The following NANOGNB variants were observed in gnomAD, a reference collection of about 807,000 sequenced individuals.
NANOGNB encodes the protein homeobox C14.
A neutral mutation model predicts 25.0 loss-of-function variants in NANOGNB; 30 were observed. The observed-to-expected ratio is 1.20, with a 90% confidence interval of 0.90 to 1.63. NANOGNB has a LOEUF of 1.63. Among genes scored for constraint, NANOGNB ranks in the 40% most tolerant of loss-of-function variants. The pLI is 0.00. For missense variants in NANOGNB, 200 were observed against 188.1 expected (o/e 1.06, Z -0.37); for synonymous variants, 84 against 62.1 (o/e 1.35, Z -1.66).
intron 1 of NANOGNB, among the ~76,000 whole-genome samples, chr12:7,766,990 G>A (rs942167477): frequency 6.6e-6 from 1 of 151,608 alleles, no homozygotes; most frequent in African/African-American, 2.4e-5. Context: ...ACAGGCGTGC[G>A]CCACCAAGCC....
intron 3 of NANOGNB, among the ~76,000 whole-genome samples, chr12:7,771,754 G>A (rs1862569615): frequency 2.0e-5 from 3 of 152,128 alleles, no homozygotes; most frequent in South Asian, 2.1e-4. Context: ...CCGAGTAGCC[G>A]GGGTTACAGG....
intron 3 of NANOGNB, among the ~76,000 whole-genome samples, 171 bp downstream of exon 3, chr12:7,770,689 C>T (rs562302947): frequency 1.7e-3 from 255 of 152,062 alleles, no homozygotes; most frequent in Middle Eastern, 3.4e-3. Flanking sequence ...CTCGGCTCAC[C>T]GCACCCTCCG....
intron 3 of NANOGNB, among the ~76,000 whole-genome samples, chr12:7,771,498 C>CGCGA (rs1327024141): frequency 2.6e-5 from 4 of 151,892 alleles, no homozygotes; most frequent in South Asian, 2.1e-4. Flanking sequence ...GGATTACAGG[C>CGCGA]GTGAGCCACC....
chr12:7,765,569 C>CAAAAAAAAAAA (rs1187331161), intron 1 of NANOGNB, among the ~76,000 whole-genome samples, 182 bp downstream of exon 1: 15 of 48,650 alleles, frequency 3.1e-4, no homozygotes, highest in East Asian at 2.5e-3. Context: ...GACTCCGTCT[C>CAAAAAAAAAAA]AAAAAAAAAA....
chr12:7,770,066 A>G lies in NANOGNB; in HGVS notation c.186A>G (p.Lys62=), dbSNP rs887365634. 11 of 1,544,554 alleles carry G rather than the reference A, an allele frequency of 7.1e-6. No individual in the cohort carries two copies. The Admixed American group carries it at 2.2e-4, about 31-fold the overall frequency. ...AAGATGAACAAAATGGAAAGCAGAA[A>G]TGGAGAGAAGAAGGAGAAGCAGGCA... is the stretch of plus-strand genomic sequence containing the variant. ...YSEDEQNGKQ[K]WREEGEAGRK... Residue 62 remains lysine (K), a synonymous_variant, in exon 2 of 4, where the codon AAA becomes AAG. Coordinates refer to ENST00000382119, the MANE Select transcript of NANOGNB (RefSeq NM_001145465.1).
rs150583466 is a variant in NANOGNB, at chr12:7,768,523, CT to C, written c.103-1448del. 2.7e-3 allele frequency among the ~76,000 whole-genome samples: 391 copies of C among 143,806 alleles called. 3 individuals are homozygous for C. The highest frequency in any genetic ancestry group is 0.021 in the South Asian group (98 of 4,592). 94.3% of individuals were successfully genotyped at this position (143,806 alleles called of 152,430 possible). A position where few individuals can be genotyped will look rare whatever the true frequency, so the allele number is the denominator to read the frequency against. Reference sequence around the variant, plus strand: ...ACTGGCATATTTCTTTTCTTTCTTTCTTTTTTTTTTTTGAGAGGGATTCTCG... The same window carrying C: ...ACTGGCATATTTCTTTTCTTTCTTTCTTTTTTTTTTTGAGAGGGATTCTCG... On this transcript the variant is annotated intron_variant, in intron 1 of 3. Transcript: ENST00000382119.
intron 1 of NANOGNB, among the ~76,000 whole-genome samples, chr12:7,769,376 G>A (rs1378840285): frequency 6.6e-6 from 1 of 150,382 alleles, no homozygotes; most frequent in Non-Finnish European, 1.5e-5. Flanking sequence ...AGGCTGGAGT[G>A]CAGTGGTGCA....
intron 2 of NANOGNB, 34 bp downstream of exon 2, chr12:7,770,349 T>C: frequency 6.6e-7 from 1 of 1,518,704 alleles, no homozygotes; most frequent in Non-Finnish European, 8.8e-7. Context: ...TCTTCATTGA[T>C]AGACAAAGTC....
At chr12:7,772,232 C>G (rs1862574956) in intron 3 of NANOGNB, among the ~76,000 whole-genome samples, 1 of 152,150 alleles carries the variant, frequency 6.6e-6, no homozygotes, top group Admixed American at 6.5e-5. Flanking sequence ...TTGGGCTTGC[C>G]ACAGGGAAAG....
chr12:7,768,823 C>T (rs1865267073), intron 1 of NANOGNB, among the ~76,000 whole-genome samples: 1 of 152,060 alleles, frequency 6.6e-6, no homozygotes, highest in Non-Finnish European at 1.5e-5. Flanking sequence ...TGAGCCACCG[C>T]GCCCGGCCGG....
Position 7,770,848 on chromosome 12 carries a change from G to A in NANOGNB, c.515+330G>A, listed in dbSNP as rs1202407573. Among the ~76,000 whole-genome samples, 3 of 152,146 alleles carry A rather than the reference G, an allele frequency of 2.0e-5. No homozygotes were observed. In the East Asian group the frequency reaches 5.8e-4, roughly 29 times the overall value. On this transcript the variant is annotated intron_variant, in intron 3 of 3. Transcript: ENST00000382119. ...GCTGATCTCGAACTCCCAACCTCAGGTGATCCACCAGCCTGGGCCTTCCAA... is the reference window on the plus strand; with the variant it reads ...GCTGATCTCGAACTCCCAACCTCAGATGATCCACCAGCCTGGGCCTTCCAA...
rs1183670554 is a variant in NANOGNB, at chr12:7,769,985, A to G, written c.105A>G (p.Lys35=). The change falls in exon 2 of 4, where the codon AAA becomes AAG. Residue 35 remains lysine (K), a splice_region_variant and synonymous_variant. Coordinates refer to ENST00000382119, the MANE Select transcript of NANOGNB (RefSeq NM_001145465.1). ...ATTCCACGGATCTTTTTATACAGAA[A>G]CAATCAGCTATGCCTTGGGATCAAG... is the stretch of plus-strand genomic sequence containing the variant. ...QEIETILANK[K]QSAMPWDQDP... is the part of the protein sequence containing the mutation. 2 of 1,499,840 alleles carry G rather than the reference A, an allele frequency of 1.3e-6. No individual in the cohort carries two copies. The highest frequency in any genetic ancestry group is 8.9e-7 in the Non-Finnish European group (1 of 1,129,404). The allele number at this position is 1,499,840 out of a possible 1,614,324, so 92.9% of individuals were successfully genotyped here. A position where few individuals can be genotyped will look rare whatever the true frequency, so the allele number is the denominator to read the frequency against.
At chr12:7,771,681 C>T (rs1310780644) in intron 3 of NANOGNB, among the ~76,000 whole-genome samples, 2 of 151,940 alleles carry the variant, frequency 1.3e-5, no homozygotes, top group Admixed American at 6.6e-5. Flanking sequence ...AGTGCAATGG[C>T]GTGATCTCTG....
In NANOGNB at chr12:7,768,828, G is replaced by A. The variant is rs12309331; in HGVS notation, c.103-1155G>A. On this transcript the variant is annotated intron_variant, in intron 1 of 3. Coordinates refer to ENST00000382119, the MANE Select transcript of NANOGNB (RefSeq NM_001145465.1). ...ATTACAGGCGTGAGCCACCGCGCCC[G>A]GCCGGCATATTTCTTTTCTTTTGAG... 8.0e-3 allele frequency among the ~76,000 whole-genome samples: 1,220 copies of A among 152,016 alleles called. 16 individuals carry two copies. The highest frequency in any genetic ancestry group is 0.028 in the African/African-American group (1,158 of 41,492).
intron 3 of NANOGNB, 96 bp from the exon 4 acceptor site, chr12:7,773,704 G>A: frequency 2.0e-6 from 1 of 498,866 alleles, no homozygotes; most frequent in Non-Finnish European, 3.4e-6. Flanking sequence ...CAGCTTGGGT[G>A]ACAAGAGTGA....
Position 7,773,919 on chromosome 12 carries a change from T to G in NANOGNB, c.*68T>G. 3.4e-6 allele frequency: 2 copies of G among 585,648 alleles called. No homozygotes were observed. The highest frequency in any genetic ancestry group is 5.9e-6 in the Non-Finnish European group (2 of 336,662). 36.3% of individuals were successfully genotyped at this position (585,648 alleles called of 1,614,324 possible). On this transcript the variant is annotated 3_prime_UTR_variant, in exon 4 of 4. Transcript: ENST00000382119. ...GAGCCATCGCACTGGCTAAGACATT[T>G]TACATGACACCATTCTCACCAATAA...
Position 7,772,173 on chromosome 12 carries a change from T to C in NANOGNB, c.516-1627T>C, listed in dbSNP as rs562914380. ...CTTTACTTACAGAGCAAGATCAGCT[T>C]CCTGGCAGCCAGTGCAGGGAAATTG... On this transcript the variant is annotated intron_variant, in intron 3 of 3. Transcript: ENST00000382119. Among the ~76,000 whole-genome samples the C allele has an allele frequency of 1.4e-3, 209 of 152,342 alleles. 2 individuals are homozygous for C. Among genetic ancestry groups the C allele is most frequent in the Non-Finnish European group, 2.7e-3 (182 of 68,022 alleles).
At chr12:7,765,431 G>T (rs376201597) in intron 1 of NANOGNB, 44 bp downstream of exon 1, 2 of 355,164 alleles carry the variant, frequency 5.6e-6, no homozygotes, top group Non-Finnish European at 1.1e-5. Flanking sequence ...TTAGCTGGGC[G>T]TGGTGGCGGG....
At chr12:7,766,126 A>T in intron 1 of NANOGNB, 1 of 398,620 alleles carries the variant, frequency 2.5e-6, no homozygotes, top group Non-Finnish European at 4.4e-6. Context: ...AACTCTTTCA[A>T]TGTGGAGAGA....
Sources: allele counts gnomAD v4.1 joint callset (sites outside exome capture counted in the v4.1 genomes callset), GRCh38; gene constraint gnomAD v4.1.1; transcripts MANE v1.5; gene names NCBI Gene and HGNC (gene_info 2026-07-23, HGNC 2026-07-21).